CDK19: variants seen among roughly 807,000 people sequenced by gnomAD.
CDK19 encodes cyclin dependent kinase 19, also known as cyclin-dependent kinase 19.
In CDK19, 20 loss-of-function variants were observed where a neutral mutation model predicts 68.3. That is an observed-to-expected ratio of 0.29 (90% CI 0.21 to 0.43). CDK19 has a LOEUF of 0.43. CDK19 is among the 20% of genes least tolerant of loss of function. The pLI is 1.00. For missense variants in CDK19, 339 were observed against 623.5 expected (o/e 0.54, Z 4.86); for synonymous variants, 221 against 222.8 (o/e 0.99, Z 0.07).
intron 2 of CDK19, among the ~76,000 whole-genome samples, chr6:110,688,616 C>T (rs1772710270): frequency 6.6e-6 from 1 of 152,156 alleles, no homozygotes; most frequent in South Asian, 2.1e-4. Flanking sequence ...AGATATACAT[C>T]CCCACCAGGG....
At chr6:110,710,016 A>T (rs1381746876) in intron 2 of CDK19, among the ~76,000 whole-genome samples, 2 of 152,198 alleles carry the variant, frequency 1.3e-5, no homozygotes, top group African/African-American at 4.8e-5. Context: ...ATAATTTCAT[A>T]CTCAAACTCC....
chr6:110,742,572 G>A (rs1777761929), intron 2 of CDK19, among the ~76,000 whole-genome samples: 1 of 152,172 alleles, frequency 6.6e-6, no homozygotes, highest in Non-Finnish European at 1.5e-5. Context: ...GTGCAAGTAG[G>A]AGAGATATTG....
chr6:110,734,940 A>C (rs1777127329), intron 2 of CDK19, among the ~76,000 whole-genome samples: 1 of 152,238 alleles, frequency 6.6e-6, no homozygotes. Context: ...AGTAAATATT[A>C]TTCAAATAAT....
chr6:110,730,878 C>T (rs1399205670), intron 2 of CDK19, among the ~76,000 whole-genome samples: 1 of 151,990 alleles, frequency 6.6e-6, no homozygotes. Context: ...ATGGTGATAC[C>T]CCATCTCTAC....
intron 4 of CDK19, chr6:110,643,362 G>C (rs946918870): frequency 5.3e-6 from 2 of 377,700 alleles, no homozygotes; most frequent in African/African-American, 4.3e-5. Context: ...AGTCAACTAT[G>C]GTAACATCAG....
intron 2 of CDK19, among the ~76,000 whole-genome samples, chr6:110,675,342 A>T (rs1771412708): frequency 6.6e-6 from 1 of 152,160 alleles, no homozygotes; most frequent in Non-Finnish European, 1.5e-5. Context: ...GAATTATGCT[A>T]AATGGCCGGG....
In CDK19 at chr6:110,747,213, C is replaced by T. The variant is rs576606425; in HGVS notation, c.129-1012G>A. Among the ~76,000 whole-genome samples the T allele has an allele frequency of 2.6e-5, 4 of 152,270 alleles. No homozygotes were observed. In the East Asian group the frequency reaches 7.7e-4, roughly 29 times the overall value. On this transcript the variant is annotated intron_variant, in intron 1 of 12. Coordinates refer to ENST00000368911, the MANE Select transcript of CDK19 (RefSeq NM_015076.5). ...ATTTTCCCCATTCTATGTTTACCTGCAGATAGAGCAGTTTAGGATGTTATT... is the reference window on the plus strand; with the variant it reads ...ATTTTCCCCATTCTATGTTTACCTGTAGATAGAGCAGTTTAGGATGTTATT...
At position 110,611,171 on chromosome 6, in the gene CDK19, C is replaced by G. The variant is rs1778005373; in HGVS notation, c.*3364G>C. 2 of 152,216 alleles carry G rather than the reference C, an allele frequency of 1.3e-5. No individual in the cohort carries two copies. The highest frequency in any genetic ancestry group is 4.8e-5 in the African/African-American group (2 of 41,438). 9.4% of individuals were successfully genotyped at this position (152,216 alleles called of 1,614,324 possible). A position where few individuals can be genotyped will look rare whatever the true frequency, so the allele number is the denominator to read the frequency against. On this transcript the variant is annotated 3_prime_UTR_variant, in exon 13 of 13. Transcript: ENST00000368911. ...GCTGCCAAAGCTACCTTACCTTGAG[C>G]TCATCTGTCCTGCAACACTTGAATT...
At chr6:110,764,534 T>TCTAGCA (rs1335595597) in intron 1 of CDK19, among the ~76,000 whole-genome samples, 6 of 152,202 alleles carry the variant, frequency 3.9e-5, no homozygotes, top group Non-Finnish European at 5.9e-5. Flanking sequence ...CAGTGCTAGT[T>TCTAGCA]CTAGCACTGG....
At position 110,621,149 on chromosome 6, in the gene CDK19, A is replaced by T; in HGVS notation, c.1332T>A (p.Pro444=). The T allele has an allele frequency of 6.2e-7, 1 of 1,614,148 alleles. No homozygotes were observed. The highest frequency in any genetic ancestry group is 8.5e-7 in the Non-Finnish European group (1 of 1,180,010). ...VPPNKKPRLG[P]SGANSGGPVM... is the part of the protein sequence containing the mutation. ...CAGGTCCACCTGAGTTTGCGCCTGA[A>T]GGCCCTAGCCGTGGCTTCTTGTTTG... is the stretch of plus-strand genomic sequence containing the variant. Residue 444 remains proline, a synonymous_variant, in exon 12 of 13, where the codon CCT becomes CCA. Transcript: ENST00000368911. This position sits in a 1 kb window ranked among gnomAD's most constrained non-coding sequence, Gnocchi z 5.4.
chr6:110,733,075 C>T (rs994335483), intron 2 of CDK19, among the ~76,000 whole-genome samples: 3 of 152,086 alleles, frequency 2.0e-5, no homozygotes, highest in African/African-American at 7.2e-5. Flanking sequence ...TTTTCATTAC[C>T]CTGTAAAGTT....
intron 2 of CDK19, among the ~76,000 whole-genome samples, chr6:110,742,340 T>C (rs1462764108): frequency 1.3e-5 from 2 of 152,216 alleles, no homozygotes; most frequent in Non-Finnish European, 2.9e-5. Flanking sequence ...CTTAATCCCG[T>C]TATCTTCGTA....
At chr6:110,720,866 T>TC (rs1554211666) in intron 2 of CDK19, among the ~76,000 whole-genome samples, 3 of 105,260 alleles carry the variant, frequency 2.9e-5, no homozygotes, top group African/African-American at 1.1e-4. Context: ...AGACTCTGTC[T>TC]CAAAAAAAAA....
At chr6:110,651,232 A>ACTAT (rs61558536) in intron 4 of CDK19, among the ~76,000 whole-genome samples, 40,063 of 149,804 alleles carry the variant, frequency 0.27, 5,701 homozygotes, top group East Asian at 0.48. Context: ...AAATAGATCT[A>ACTAT]CTATCTATCT....
intron 1 of CDK19, among the ~76,000 whole-genome samples, chr6:110,784,495 A>T (rs1189544859): frequency 6.6e-6 from 1 of 152,196 alleles, no homozygotes; most frequent in African/African-American, 2.4e-5. Context: ...ATATGCTGAC[A>T]AGGATGTAGA....
At chr6:110,635,448 G>T (rs1236775616) in intron 5 of CDK19, among the ~76,000 whole-genome samples, 1 of 152,186 alleles carries the variant, frequency 6.6e-6, no homozygotes, top group Admixed American at 6.5e-5. Flanking sequence ...GTAAGACCTG[G>T]GAAGTTTTTA....
chr6:110,703,231 T>C (rs924500968), intron 2 of CDK19, among the ~76,000 whole-genome samples: 1 of 152,096 alleles, frequency 6.6e-6, no homozygotes, highest in Non-Finnish European at 1.5e-5. Context: ...CATCATAGAT[T>C]ATGAGCAAGA....
At chr6:110,752,384 T>C (rs1401262028) in intron 1 of CDK19, among the ~76,000 whole-genome samples, 3 of 152,204 alleles carry the variant, frequency 2.0e-5, no homozygotes, top group African/African-American at 7.2e-5. Flanking sequence ...CGTAACACTT[T>C]AATATCAAGA....
chr6:110,774,059 T>C (rs1031508749), intron 1 of CDK19: 3 of 152,200 alleles, frequency 2.0e-5, no homozygotes, highest in South Asian at 2.1e-4. Flanking sequence ...ACTCAGATTT[T>C]AGATTTGACA....
Sources: allele counts gnomAD v4.1 joint callset (sites outside exome capture counted in the v4.1 genomes callset), GRCh38; gene constraint gnomAD v4.1.1; non-coding constraint Gnocchi (gnomAD v3.1); transcripts MANE v1.5; gene names NCBI Gene and HGNC (gene_info 2026-07-23, HGNC 2026-07-21).